The following ABRAXAS1 variants were observed in gnomAD, a reference collection of about 807,000 sequenced individuals.
ABRAXAS1 encodes abraxas 1, BRCA1 A complex subunit, also known as BRCA1-A complex subunit Abraxas 1.
A neutral mutation model predicts 38.4 loss-of-function variants in ABRAXAS1; 26 were observed. That is an observed-to-expected ratio of 0.68 (90% confidence interval 0.50 to 0.94). The LOEUF (loss-of-function observed/expected upper bound fraction) is 0.94, where lower values mean the gene tolerates loss of function less well. ABRAXAS1 is among the 40% of genes least tolerant of loss of function. The pLI is 0.00. For synonymous variants in ABRAXAS1, 144 were observed against 165.5 expected, an observed-to-expected ratio of 0.87 and a Z score of 1.00; for missense variants, 438 against 481.9, an observed-to-expected ratio of 0.91 and a Z score of 0.85.
intron 4 of ABRAXAS1, among the ~76,000 whole-genome samples, chr4:83,471,157 A>G (rs1302542729): frequency 3.0e-5 from 4 of 135,172 alleles, no homozygotes; most frequent in Admixed American, 2.9e-4. Flanking sequence ...AAACACAAGC[A>G]TTTTCAGCCA....
Position 83,461,910 on chromosome 4 carries a change from AATTT to A in ABRAXAS1, c.*555_*558del. The stretch of plus-strand genomic sequence containing the variant: ...TTTAAATTTTAGATGATGTTTTGCA[AATTT>A]ATTGCATGATATCCAGCATTTTATC... On this transcript the variant is annotated 3_prime_UTR_variant, in exon 9 of 9. Transcript: ENST00000321945. 8.7e-6 allele frequency: 2 copies of A among 229,692 alleles called. No homozygotes were observed. Among genetic ancestry groups the A allele is most frequent in the Non-Finnish European group, 8.6e-6 (1 of 115,956 alleles). The allele number at this position is 229,692 out of a possible 1,614,324, so 14.2% of individuals were successfully genotyped here.
At chr4:83,482,107 T>C in intron 2 of ABRAXAS1, 47 bp downstream of exon 2, 1 of 1,198,536 alleles carries the variant, frequency 8.3e-7, no homozygotes, top group Non-Finnish European at 1.2e-6. Flanking sequence ...AACTATCAAA[T>C]ATAGGAGACA....
intron 2 of ABRAXAS1, chr4:83,479,548 A>C (rs1722906907): frequency 6.6e-6 from 1 of 152,220 alleles, no homozygotes; most frequent in Non-Finnish European, 1.5e-5. Flanking sequence ...AACAGCACAA[A>C]GAAATGTACA....
intron 2 of ABRAXAS1, chr4:83,480,388 GTATATATACACA>G: frequency 2.4e-6 from 1 of 424,596 alleles, no homozygotes; most frequent in Non-Finnish European, 4.7e-6. Flanking sequence ...AAAACAAAAT[GTATATATACACA>G]TATATATACA....
At chr4:83,463,442 T>C in intron 8 of ABRAXAS1, 52 bp downstream of exon 8, 1 of 1,336,314 alleles carries the variant, frequency 7.5e-7, no homozygotes, top group Admixed American at 2.1e-5. Context: ...CAAAAATAAA[T>C]AAATAAATAA....
At chr4:83,473,499 G>A (rs1722655927) in intron 3 of ABRAXAS1, among the ~76,000 whole-genome samples, 1 of 152,078 alleles carries the variant, frequency 6.6e-6, no homozygotes, top group Non-Finnish European at 1.5e-5. Flanking sequence ...GGGAGAAGAT[G>A]AAGGGGGTGG....
Position 83,462,579 on chromosome 4 carries a change from T to C in ABRAXAS1, c.1120A>G (p.Thr374Ala). The change falls in exon 9 of 9, where the codon ACT becomes GCT. Residue 374 changes from threonine (T) to alanine (A), a missense_variant. Around this residue, in one of 3 missense-constraint regions of ABRAXAS1, gnomAD observed 184 missense variants for 181.9 expected, o/e 1.01. Transcript: ENST00000321945. ...DTQDKRSKAD[T>A]GSSNQDKASK... is the part of the protein sequence containing the mutation. ...GCTTTATCTTGGTTACTACTACCAG[T>C]ATCTGCTTTAGATCGTTTGTCTTGT... 1 of 1,614,152 alleles carries C rather than the reference T, an allele frequency of 6.2e-7. No individual in the cohort carries two copies. Among genetic ancestry groups the C allele is most frequent in the Non-Finnish European group, 8.5e-7 (1 of 1,180,006 alleles).
chr4:83,468,536 ATGAG>A (rs1357360762), intron 6 of ABRAXAS1, among the ~76,000 whole-genome samples: 1 of 152,184 alleles, frequency 6.6e-6, no homozygotes, highest in African/African-American at 2.4e-5. Flanking sequence ...AGCCTATAGT[ATGAG>A]TGAGTCTTGG....
intron 8 of ABRAXAS1, 102 bp downstream of exon 8, chr4:83,463,392 C>T: frequency 1.3e-6 from 1 of 755,168 alleles, no homozygotes. Flanking sequence ...GAGATCACAC[C>T]TTTGCACTCC....
chr4:83,480,446 G>T, intron 2 of ABRAXAS1: 1 of 290,410 alleles, frequency 3.4e-6, no homozygotes, highest in South Asian at 2.7e-5. Context: ...TATGAATATT[G>T]CAAGCTAGTA....
chr4:83,474,828 A>G (rs948909448), intron 3 of ABRAXAS1, among the ~76,000 whole-genome samples: 1 of 152,206 alleles, frequency 6.6e-6, no homozygotes, highest in Non-Finnish European at 1.5e-5. Context: ...AAGAAACTGC[A>G]TAGTATGATG....
intron 4 of ABRAXAS1, among the ~76,000 whole-genome samples, chr4:83,471,271 T>TC (rs965410649): frequency 7.1e-6 from 1 of 140,428 alleles, no homozygotes; most frequent in African/African-American, 2.6e-5. Flanking sequence ...TGGCACGATC[T>TC]CAGCTCATTG....
In ABRAXAS1 at chr4:83,469,137, AC is replaced by A; in HGVS notation, c.490del (p.Val164TyrfsTer3). The A allele has an allele frequency of 6.2e-7, 1 of 1,613,738 alleles. No homozygotes were observed. Among genetic ancestry groups the A allele is most frequent in the East Asian group, 2.2e-5 (1 of 44,866 alleles). On this transcript the variant is annotated frameshift_variant, in exon 6 of 9. Transcript: ENST00000321945. LOFTEE classifies it high-confidence loss of function. ...YKPQKGLFHR[V>X]PLVVANLGMS... ...GCCCAGATTGGCAACCACTAAAGGT[AC>A]CCTGTGAAAAAGTCTGACAAAATAA...
chr4:83,477,489 C>T, intron 2 of ABRAXAS1: 1 of 365,390 alleles, frequency 2.7e-6, no homozygotes, highest in South Asian at 2.6e-5. Context: ...ACTGTGGGAG[C>T]CTCAGTTTCC....
intron 7 of ABRAXAS1, among the ~76,000 whole-genome samples, chr4:83,465,514 G>C (rs1269354042): frequency 6.6e-6 from 1 of 151,768 alleles, no homozygotes. Flanking sequence ...CAGGCTGGAT[G>C]TGGTGGCTCA....
chr4:83,474,144 AAAATAAATAAAT>A (rs71668653), intron 3 of ABRAXAS1, among the ~76,000 whole-genome samples: 9,731 of 141,962 alleles, frequency 0.069, 1,089 homozygotes, highest in African/African-American at 0.24. Flanking sequence ...CCTTGTCTAA[AAAATAAATAAAT>A]AAATAAATAA....
At chr4:83,476,460 A>G (rs886782926) in intron 3 of ABRAXAS1, among the ~76,000 whole-genome samples, 183 bp downstream of exon 3, 1 of 152,166 alleles carries the variant, frequency 6.6e-6, no homozygotes, top group Middle Eastern at 3.2e-3. Context: ...AATACAGAGA[A>G]AGAACTGCTA....
intron 7 of ABRAXAS1, chr4:83,463,898 C>G: frequency 5.5e-6 from 1 of 181,036 alleles, no homozygotes; most frequent in Non-Finnish European, 1.1e-5. Flanking sequence ...GAAATATTAA[C>G]TCATGGGCCA....
intron 8 of ABRAXAS1, among the ~76,000 whole-genome samples, chr4:83,463,141 C>G (rs540071037): frequency 6.6e-6 from 1 of 152,138 alleles, no homozygotes; most frequent in Non-Finnish European, 1.5e-5. Flanking sequence ...TTTAAAAGCA[C>G]AGAAAGGGCC....
Sources: allele counts gnomAD v4.1 joint callset (sites outside exome capture counted in the v4.1 genomes callset), GRCh38; gene constraint gnomAD v4.1.1; regional missense constraint gnomAD v4.1.1; transcripts MANE v1.5; gene names NCBI Gene and HGNC (gene_info 2026-07-23, HGNC 2026-07-21).